RIC8A: variants seen among roughly 807,000 people sequenced by gnomAD.
The protein encoded by RIC8A is chaperone Ric-8A.
Under a neutral mutation model 48.4 loss-of-function variants are expected in RIC8A, and 37 were observed. The ratio of observed to expected loss-of-function variants is 0.77; its 90% confidence interval spans 0.59 to 1.01. The LOEUF is 1.01. Among genes scored for constraint, RIC8A ranks in the 50% least tolerant of loss-of-function variants. The probability of loss-of-function intolerance (pLI) is 0.00; values close to 1 mark genes in which losing one functional copy is unlikely to be tolerated. For synonymous variants in RIC8A, 288 were observed against 283.4 expected (o/e 1.02, Z -0.16); for missense variants, 681 against 696.8 (o/e 0.98, Z 0.25).
rs1031910673 is a variant in RIC8A, at chr11:208,643, G to T, written c.-212G>T. The T allele has an allele frequency of 2.1e-6, 1 of 479,524 alleles. No individual in the cohort carries two copies. The highest frequency in any genetic ancestry group is 4.4e-5 in the Admixed American group (1 of 22,746). The allele number at this position is 479,524 out of a possible 1,614,324, so 29.7% of individuals were successfully genotyped here. ...AGAGCGACTCAGCCCCTCGACTCGG[G>T]TCTTAAAACCTCCGAGCCGCCAGTT... On this transcript the variant is annotated 5_prime_UTR_variant, in exon 1 of 10. Transcript: ENST00000526104. The surrounding 1 kb of genome is among the most constrained non-coding windows in gnomAD (Gnocchi z 4.8).
At chr11:209,044 G>A (rs906936249) in intron 1 of RIC8A, 106 bp downstream of exon 1, 5 of 1,145,048 alleles carry the variant, frequency 4.4e-6, no homozygotes, top group African/African-American at 3.0e-5. Flanking sequence ...GTCAGCAAGC[G>A]TAGGGGACGC....
At position 211,198 on chromosome 11, in the gene RIC8A, G is replaced by A; in HGVS notation, c.819-1G>A. The A allele has an allele frequency of 6.2e-7, 1 of 1,612,522 alleles. No homozygotes were observed. Among genetic ancestry groups the A allele is most frequent in the Non-Finnish European group, 8.5e-7 (1 of 1,179,028 alleles). ...AAACCCCTACCTCCATCTGTCCCCA[G>A]CCACGCAGTGAACCTCCTGGGGAAC... On this transcript the variant is annotated splice_acceptor_variant, in intron 4 of 9. Transcript: ENST00000526104. LOFTEE classifies it high-confidence loss of function. This position sits in a 1 kb window ranked among gnomAD's most constrained non-coding sequence, Gnocchi z 4.0.
chr11:208,777 T>G lies in RIC8A; in HGVS notation c.-78T>G. The G allele has an allele frequency of 3.2e-6, 4 of 1,239,282 alleles. No homozygotes were observed. The highest frequency in any genetic ancestry group is 1.4e-5 in the South Asian group (1 of 70,732). 76.8% of individuals were successfully genotyped at this position (1,239,282 alleles called of 1,614,324 possible). On this transcript the variant is annotated 5_prime_UTR_variant, in exon 1 of 10. Coordinates refer to ENST00000526104, the MANE Select transcript of RIC8A (RefSeq NM_001286134.2). This position sits in a 1 kb window ranked among gnomAD's most constrained non-coding sequence, Gnocchi z 4.8. ...CTCCCCCGCGCGCTGGCGCGGGGCT[T>G]TCTGGGCCAGGGCGGGGCCGGCGAA...
rs770360319 is a variant in RIC8A, at chr11:209,312, C to T, written c.126C>T (p.Asp42=). ...CGTTTGATGATGCCCAACAGGAGGACCGGAAGGTGGGTGCTGGCCCAAGGG... is the reference window on the plus strand; with the variant it reads ...CGTTTGATGATGCCCAACAGGAGGATCGGAAGGTGGGTGCTGGCCCAAGGG... ...SFTFDDAQQE[D]RKRLAELLVS... Residue 42 remains aspartate, a synonymous_variant, in exon 2 of 10, where the codon GAC becomes GAT. Coordinates refer to ENST00000526104, the MANE Select transcript of RIC8A (RefSeq NM_001286134.2). 1.2e-6 allele frequency: 2 copies of T among 1,613,124 alleles called. No homozygotes were observed. The highest frequency in any genetic ancestry group is 1.3e-5 in the African/African-American group (1 of 74,920).
chr11:211,118 T>C lies in RIC8A; in HGVS notation c.819-81T>C. On this transcript the variant is annotated intron_variant, in intron 4 of 9. Coordinates refer to ENST00000526104, the MANE Select transcript of RIC8A (RefSeq NM_001286134.2). This position sits in a 1 kb window ranked among gnomAD's most constrained non-coding sequence, Gnocchi z 4.0. Reference sequence around the variant, plus strand: ...GACTCAGATGCCAGCTCATGTAATGTGTGGTTCAGCGGAGTCACAAAGATT... The same window carrying C: ...GACTCAGATGCCAGCTCATGTAATGCGTGGTTCAGCGGAGTCACAAAGATT... The C allele has an allele frequency of 4.8e-6, 7 of 1,448,050 alleles. No homozygotes were observed. The highest frequency in any genetic ancestry group is 6.6e-6 in the Non-Finnish European group (7 of 1,059,388). The allele number at this position is 1,448,050 out of a possible 1,614,324, so 89.7% of individuals were successfully genotyped here.
rs377528007 is a variant in RIC8A, at chr11:212,044, G to GT, written c.970-369dup. 8.8e-4 allele frequency: 243 copies of GT among 275,620 alleles called. 2 individuals carry two copies. Among genetic ancestry groups the GT allele is most frequent in the African/African-American group, 5.1e-3 (234 of 45,550 alleles). 17.1% of individuals were successfully genotyped at this position (275,620 alleles called of 1,614,324 possible). A position where few individuals can be genotyped will look rare whatever the true frequency, so the allele number is the denominator to read the frequency against. On this transcript the variant is annotated intron_variant, in intron 5 of 9. Transcript: ENST00000526104. ...TACACAGAGCGGGGATTCGGTTCTCGTTTCTTTTTGCCACCAACATCTGAG... is the reference window on the plus strand; with the variant it reads ...TACACAGAGCGGGGATTCGGTTCTCGTTTTCTTTTTGCCACCAACATCTGAG...
rs1165155173 is a variant in RIC8A, at chr11:209,597, C to A, written c.323C>A (p.Ser108Tyr). Residue 108 changes from serine (S) to tyrosine (Y), a missense_variant, in exon 3 of 10, where the codon TCC (serine) becomes TAC (tyrosine). By Grantham distance (144) the Ser-to-Tyr change is moderately radical. Transcript: ENST00000526104. ...ISVSEGSVPESADMDVVLESL... is the reference protein window; with the variant it reads ...ISVSEGSVPEYADMDVVLESL... ...GTCTCTGAGGGGTCCGTCCCAGAGT[C>A]CGCAGACATGGATGTTGTACTGGAG... The A allele has an allele frequency of 8.7e-6, 14 of 1,614,070 alleles. No individual in the cohort carries two copies. Among genetic ancestry groups the A allele is most frequent in the Non-Finnish European group, 1.2e-5 (14 of 1,180,046 alleles).
rs774133385 is a variant in RIC8A at position 211,256 on chromosome 11, C to G, written c.876C>G (p.Thr292=). 6.2e-7 allele frequency: 1 copy of G among 1,614,084 alleles called. No individual in the cohort carries two copies. ...LPLKCLDVLL[T]LEPHGDSTEF... is the part of the protein sequence containing the mutation. ...TCAAGTGTCTGGATGTTCTCCTCACCCTGGAGCCACATGGAGACTCCACGG... is the reference window on the plus strand; with the variant it reads ...TCAAGTGTCTGGATGTTCTCCTCACGCTGGAGCCACATGGAGACTCCACGG... The change falls in exon 5 of 10, where the codon ACC becomes ACG. Residue 292 remains threonine (T), a synonymous_variant. Transcript: ENST00000526104. The surrounding 1 kb of genome is among the most constrained non-coding windows in gnomAD (Gnocchi z 4.0).
chr11:212,213 TG>T, intron 5 of RIC8A: 1 of 595,072 alleles, frequency 1.7e-6, no homozygotes, highest in Non-Finnish European at 3.0e-6. Flanking sequence ...GCTCTATCCC[TG>T]TCCTTTTCAA....
In RIC8A at chr11:209,200, A is replaced by G. The variant is rs746887472; in HGVS notation, c.85-71A>G. ...TGGCTGCTGCCTGAGTTAGAGGCCAATAGGCCGCCCGCATCAGCGGACGCG... is the reference window on the plus strand; with the variant it reads ...TGGCTGCTGCCTGAGTTAGAGGCCAGTAGGCCGCCCGCATCAGCGGACGCG... On this transcript the variant is annotated intron_variant, in intron 1 of 9. Coordinates refer to ENST00000526104, the MANE Select transcript of RIC8A (RefSeq NM_001286134.2). The G allele has an allele frequency of 3.8e-6, 6 of 1,592,560 alleles. No homozygotes were observed. In the Admixed American group the frequency reaches 8.3e-5, roughly 22 times the overall value.
chr11:214,443 T>C lies in RIC8A; in HGVS notation c.*93T>C, dbSNP rs765874163. The stretch of plus-strand genomic sequence containing the variant: ...CCTGGGGAAGCCACATCCCACTGGA[T>C]CCACACCCGCCCCCACTTCTCCATC... On this transcript the variant is annotated 3_prime_UTR_variant, in exon 10 of 10. Coordinates refer to ENST00000526104, the MANE Select transcript of RIC8A (RefSeq NM_001286134.2). 2.1e-6 allele frequency: 3 copies of C among 1,452,172 alleles called. No homozygotes were observed. Among genetic ancestry groups the C allele is most frequent in the Non-Finnish European group, 1.9e-6 (2 of 1,060,792 alleles). 90.0% of individuals were successfully genotyped at this position (1,452,172 alleles called of 1,614,324 possible). A position where few individuals can be genotyped will look rare whatever the true frequency, so the allele number is the denominator to read the frequency against.
At position 210,644 on chromosome 11, in the gene RIC8A, G is replaced by T. The variant is rs375405697; in HGVS notation, c.800G>T (p.Arg267Leu). ...HCVMIATAGDRTEEFHGHAVN... is the reference protein window; with the variant it reads ...HCVMIATAGDLTEEFHGHAVN... ...GTGATGATCGCTACTGCTGGAGACC[G>T]CACAGAGGAGTTCCACGGGTGAGAA... The change falls in exon 4 of 10, where the codon CGC (arginine) becomes CTC (leucine). Residue 267 changes from arginine to leucine, a missense_variant. By Grantham distance (102) the Arg-to-Leu change is moderately radical. Coordinates refer to ENST00000526104, the MANE Select transcript of RIC8A (RefSeq NM_001286134.2). The T allele has an allele frequency of 6.2e-7, 1 of 1,614,038 alleles. No individual in the cohort carries two copies. The highest frequency in any genetic ancestry group is 8.5e-7 in the Non-Finnish European group (1 of 1,179,954).
chr11:214,220 TCC>T lies in RIC8A; in HGVS notation c.1476-7_1476-6del. The T allele has an allele frequency of 6.2e-7, 1 of 1,612,972 alleles. No homozygotes were observed. The highest frequency in any genetic ancestry group is 2.2e-5 in the East Asian group (1 of 44,858). On this transcript the variant is annotated splice_region_variant and splice_polypyrimidine_tract_variant and intron_variant, in intron 9 of 9. Transcript: ENST00000526104. ...CCCTTCCCCAGCCCCACTGCACCTT[TCC>T]CCAACAGGAACAGAGTCATCCAGCC...
rs1432623408 is a variant in RIC8A, at chr11:208,744, G to A, written c.-111G>A. On this transcript the variant is annotated 5_prime_UTR_variant, in exon 1 of 10. Coordinates refer to ENST00000526104, the MANE Select transcript of RIC8A (RefSeq NM_001286134.2). The surrounding 1 kb of genome is among the most constrained non-coding windows in gnomAD (Gnocchi z 4.8). Reference sequence around the variant, plus strand: ...AAAGCGCCACCAGACGCCGCGCCCCGTCCCGGCCTCCCCCGCGCGCTGGCG... The same window carrying A: ...AAAGCGCCACCAGACGCCGCGCCCCATCCCGGCCTCCCCCGCGCGCTGGCG... 2.6e-6 allele frequency: 2 copies of A among 759,448 alleles called. No individual in the cohort carries two copies. The highest frequency in any genetic ancestry group is 3.2e-5 in the East Asian group (1 of 30,912). 47.0% of individuals were successfully genotyped at this position (759,448 alleles called of 1,614,324 possible).
chr11:212,956 G>C lies in RIC8A; in HGVS notation c.1330G>C (p.Asp444His). ...QYSEDEDTDTDEYKEAKASIN... is the reference protein window; with the variant it reads ...QYSEDEDTDTHEYKEAKASIN... ...CTCAGAGGATGAGGACACAGACACA[G>C]ATGAGTACAAGGAAGCCAAAGCCAG... Residue 444 changes from aspartate to histidine, a missense_variant, in exon 8 of 10, where the codon GAT becomes CAT. Coordinates refer to ENST00000526104, the MANE Select transcript of RIC8A (RefSeq NM_001286134.2). 1 of 1,578,400 alleles carries C rather than the reference G, an allele frequency of 6.3e-7. No individual in the cohort carries two copies. The highest frequency in any genetic ancestry group is 8.6e-7 in the Non-Finnish European group (1 of 1,163,412).
chr11:209,525 C>G lies in RIC8A; in HGVS notation c.251C>G (p.Thr84Ser). 1 of 1,614,062 alleles carries G rather than the reference C, an allele frequency of 6.2e-7. No homozygotes were observed. Among genetic ancestry groups the G allele is most frequent in the South Asian group, 1.1e-5 (1 of 91,090 alleles). The change falls in exon 3 of 10, where the codon ACC (threonine) becomes AGC (serine). Residue 84 changes from threonine to serine, a missense_variant. By Grantham distance (58) the Thr-to-Ser change is moderately conservative (BLOSUM62 1). Coordinates refer to ENST00000526104, the MANE Select transcript of RIC8A (RefSeq NM_001286134.2). ...GACCGCAACTGCCTGGACCCGTTCA[C>G]CAGCCGCCAGAGCCTGCAGGCACTA... ...SRDRNCLDPFTSRQSLQALAC... is the reference protein window; with the variant it reads ...SRDRNCLDPFSSRQSLQALAC...
chr11:213,672 T>G, intron 9 of RIC8A: 1 of 389,742 alleles, frequency 2.6e-6, no homozygotes, highest in South Asian at 2.9e-5. Flanking sequence ...AGGCCGGGCG[T>G]GGTAGCTCAC....
At position 214,277 on chromosome 11, in the gene RIC8A, C is replaced by G. The variant is rs776558817; in HGVS notation, c.1523C>G (p.Thr508Arg). 6.2e-7 allele frequency: 1 copy of G among 1,613,800 alleles called. No individual in the cohort carries two copies. The highest frequency in any genetic ancestry group is 2.2e-5 in the East Asian group (1 of 44,868). ...GGGATGAGTCCCCGGGGTCATCTTA[C>G]GTCCCTGCAGGATGCCATGTGCGAG... ...PMGMSPRGHL[T>R]SLQDAMCETM... The change falls in exon 10 of 10, where the codon ACG (threonine) becomes AGG (arginine). Residue 508 changes from threonine to arginine, a missense_variant. Coordinates refer to ENST00000526104, the MANE Select transcript of RIC8A (RefSeq NM_001286134.2).
intron 3 of RIC8A, chr11:210,246 A>G (rs1590074638): frequency 1.5e-6 from 1 of 658,432 alleles, no homozygotes. Flanking sequence ...GTGTCTGGGG[A>G]GACTGTAAGA....
Sources: gnomAD v4.1 joint callset for allele counts on GRCh38, gnomAD v4.1.1 for gene constraint, Gnocchi (gnomAD v3.1) non-coding constraint, MANE v1.5 for transcripts, NCBI Gene and HGNC (gene_info 2026-07-23, HGNC 2026-07-21) for gene names.